AGBL4: variants seen among roughly 807,000 people sequenced by gnomAD.
The protein encoded by AGBL4 is AGBL carboxypeptidase 4.
Under a neutral mutation model 66.4 loss-of-function variants are expected in AGBL4, and 58 were observed. The observed-to-expected ratio is 0.87, with a 90% CI of 0.71 to 1.09. The LOEUF is 1.09. Among genes scored for constraint, AGBL4 ranks in the 50% least tolerant of loss-of-function variants. AGBL4 has a pLI of 0.00. For synonymous variants in AGBL4, 234 were observed against 222.9 expected (o/e 1.05, Z -0.44); for missense variants, 579 against 631.0 (o/e 0.92, Z 0.88).
chr1:49,319,895 C>T (rs1002436358), intron 3 of AGBL4, among the ~76,000 whole-genome samples: 1 of 152,104 alleles, frequency 6.6e-6, no homozygotes. Context: ...AAAAGTCCCA[C>T]CTCTTAATAC....
chr1:49,211,794 CAT>C (rs1409502241), intron 4 of AGBL4, among the ~76,000 whole-genome samples: 2 of 151,980 alleles, frequency 1.3e-5, no homozygotes, highest in South Asian at 2.1e-4. Flanking sequence ...TAAATAATAA[CAT>C]ATTTATTTAG....
intron 6 of AGBL4, among the ~76,000 whole-genome samples, chr1:48,834,454 C>G (rs1646629868): frequency 6.6e-6 from 1 of 152,048 alleles, no homozygotes; most frequent in South Asian, 2.1e-4. Context: ...CCCTAACTTT[C>G]AATATGATAG....
At chr1:49,228,168 TAGTC>T (rs1008827321) in intron 4 of AGBL4, among the ~76,000 whole-genome samples, 3 of 152,200 alleles carry the variant, frequency 2.0e-5, no homozygotes, top group African/African-American at 7.2e-5. Flanking sequence ...ACAGAGAAGG[TAGTC>T]AGTAAATATT....
chr1:49,336,428 T>C (rs760360997), intron 3 of AGBL4, among the ~76,000 whole-genome samples: 16 of 152,200 alleles, frequency 1.1e-4, no homozygotes, highest in Non-Finnish European at 1.8e-4. Flanking sequence ...GTTAATCTTA[T>C]CCAGAAACAC....
In AGBL4 at chr1:48,532,892, G is replaced by A. The variant is rs916366080; in HGVS notation, c.*1281C>T. 1 of 152,164 alleles carries A rather than the reference G, an allele frequency of 6.6e-6. No homozygotes were observed. The highest frequency in any genetic ancestry group is 6.5e-5 in the Admixed American group (1 of 15,270). 9.4% of individuals were successfully genotyped at this position (152,164 alleles called of 1,614,324 possible). On this transcript the variant is annotated 3_prime_UTR_variant, in exon 14 of 14. Transcript: ENST00000371839. The stretch of plus-strand genomic sequence containing the variant: ...TTATTTGTGTTCCTCTGGGCAAAAC[G>A]AACCCAGGGGAGAAGCTGTATATAC...
intron 9 of AGBL4, among the ~76,000 whole-genome samples, chr1:48,623,404 T>G (rs1479888434): frequency 6.6e-6 from 1 of 152,200 alleles, no homozygotes; most frequent in Non-Finnish European, 1.5e-5. Flanking sequence ...AGATGGGCAT[T>G]AGGACTTAAA....
intron 3 of AGBL4, among the ~76,000 whole-genome samples, chr1:49,453,240 G>A (rs1646317698): frequency 6.6e-6 from 1 of 151,814 alleles, no homozygotes; most frequent in Non-Finnish European, 1.5e-5. Context: ...TTTTTAAATA[G>A]TGTTATATCC....
chr1:49,882,410 T>A (rs1647478047), intron 1 of AGBL4, among the ~76,000 whole-genome samples: 2 of 151,336 alleles, frequency 1.3e-5, no homozygotes, highest in Non-Finnish European at 1.5e-5. Flanking sequence ...AGTAGTTTTT[T>A]CCAATTCTGT....
rs535109729 is a variant in AGBL4 at position 49,091,470 on chromosome 1, CA to C, written c.378-45671del. Among the ~76,000 whole-genome samples, 253 of 152,088 alleles carry C rather than the reference CA, an allele frequency of 1.7e-3. 1 individual carries two copies. The highest frequency in any genetic ancestry group is 5.7e-3 in the African/African-American group (237 of 41,518). ...AACATCACTAATCATTAGAGAAAGG[CA>C]AATAAAAATCACAATAAGATATCAT... On this transcript the variant is annotated intron_variant, in intron 4 of 13. Coordinates refer to ENST00000371839, the MANE Select transcript of AGBL4 (RefSeq NM_032785.4).
At chr1:49,224,656 G>A (rs1649766079) in intron 4 of AGBL4, among the ~76,000 whole-genome samples, 1 of 150,432 alleles carries the variant, frequency 6.6e-6, no homozygotes, top group Non-Finnish European at 1.5e-5. Context: ...ATTGGCCTTA[G>A]GATTCAGCAG....
At chr1:49,386,328 G>A (rs1336011037) in intron 3 of AGBL4, among the ~76,000 whole-genome samples, 2 of 151,650 alleles carry the variant, frequency 1.3e-5, no homozygotes, top group African/African-American at 4.8e-5. Context: ...AAATCATGGT[G>A]TAACCATGCA....
At chr1:49,926,443 T>C (rs187136999) in intron 1 of AGBL4, among the ~76,000 whole-genome samples, 23 of 152,258 alleles carry the variant, frequency 1.5e-4, no homozygotes, top group Admixed American at 7.2e-4. Flanking sequence ...TAAGCCAAGA[T>C]TGTGAAGACA....
In AGBL4 at chr1:49,245,716, G is replaced by A. The variant is rs140669723; in HGVS notation, c.377+54C>T. ...CATTAGTAGGTGTGTATATGTATGGGGTCTGGGACAAATTTTCTAACCAGG... is the reference window on the plus strand; with the variant it reads ...CATTAGTAGGTGTGTATATGTATGGAGTCTGGGACAAATTTTCTAACCAGG... On this transcript the variant is annotated intron_variant, in intron 4 of 13. Transcript: ENST00000371839. 7.0e-4 allele frequency: 946 copies of A among 1,344,562 alleles called. 6 individuals carry two copies. In the African/African-American group the frequency reaches 0.012, roughly 17 times the overall value. The allele number at this position is 1,344,562 out of a possible 1,614,324, so 83.3% of individuals were successfully genotyped here.
chr1:49,749,471 T>C (rs1400861987), intron 2 of AGBL4, among the ~76,000 whole-genome samples: 1 of 152,206 alleles, frequency 6.6e-6, no homozygotes, highest in Non-Finnish European at 1.5e-5. Context: ...TAACAGATTA[T>C]AGTGCTATTT....
chr1:48,791,089 G>C (rs374210511), intron 6 of AGBL4, among the ~76,000 whole-genome samples: 2 of 151,992 alleles, frequency 1.3e-5, no homozygotes, highest in African/African-American at 4.8e-5. Context: ...CCTAGTCTGT[G>C]GTATTTTATT....
chr1:48,524,401 A>C, the AGBL4 span, among the ~76,000 whole-genome samples: 1 of 152,348 alleles, frequency 6.6e-6, no homozygotes, highest in African/African-American at 2.4e-5. Flanking sequence ...ACAGAGTCTG[A>C]AAAGGGGGTT....
chr1:49,082,040 C>T (rs781010761), intron 4 of AGBL4, among the ~76,000 whole-genome samples: 5 of 152,088 alleles, frequency 3.3e-5, no homozygotes, highest in Non-Finnish European at 5.9e-5. Context: ...AAGAGGAGGG[C>T]CACCAAAGCA....
At chr1:48,946,047 C>T (rs998701090) in intron 5 of AGBL4, among the ~76,000 whole-genome samples, 8 of 152,168 alleles carry the variant, frequency 5.3e-5, no homozygotes, top group African/African-American at 1.7e-4. Flanking sequence ...CACGCTATTC[C>T]ACCCACGAGG....
intron 6 of AGBL4, among the ~76,000 whole-genome samples, chr1:48,849,001 A>C (rs181246004): frequency 1.3e-3 from 195 of 152,310 alleles, no homozygotes; most frequent in Non-Finnish European, 2.3e-3. Flanking sequence ...TTTAAACTTT[A>C]CCAAACACCA....
Sources: allele counts gnomAD v4.1 joint callset (sites outside exome capture counted in the v4.1 genomes callset), GRCh38; gene constraint gnomAD v4.1.1; transcripts MANE v1.5; gene names NCBI Gene and HGNC (gene_info 2026-07-23, HGNC 2026-07-21).